The following MBP variants were observed in gnomAD, a reference collection of about 807,000 sequenced individuals.
The protein encoded by MBP is myelin basic protein.
Under a neutral mutation model 35.8 loss-of-function variants are expected in MBP, and 16 were observed. That is an observed-to-expected ratio of 0.45 (90% CI 0.30 to 0.68). The LOEUF (loss-of-function observed/expected upper bound fraction) is 0.68. Ranked by LOEUF, MBP falls within the 30% of genes least tolerant of loss-of-function variation. The pLI, the probability that MBP is intolerant of heterozygous loss-of-function variation, is 0.08. For synonymous variants in MBP, 143 were observed against 159.6 expected (o/e 0.90, Z 0.78); for missense variants, 380 against 404.7 (o/e 0.94, Z 0.52).
intron 4 of MBP, among the ~76,000 whole-genome samples, chr18:77,010,769 G>A (rs529824401): frequency 2.6e-5 from 4 of 152,204 alleles, no homozygotes; most frequent in African/African-American, 7.2e-5. Context: ...TCAGTTACAC[G>A]AGAGTATCTG....
At chr18:76,984,940 G>A in intron 7 of MBP, 46 bp from the exon 8 acceptor site, 4 of 1,606,244 alleles carry the variant, frequency 2.5e-6, no homozygotes, top group Non-Finnish European at 3.4e-6. Context: ...GCGGTGCTGG[G>A]CACGCTGCTT....
At chr18:77,031,756 C>G (rs1255240756) in intron 3 of MBP, among the ~76,000 whole-genome samples, 4 of 152,258 alleles carry the variant, frequency 2.6e-5, no homozygotes, top group Non-Finnish European at 5.9e-5. Flanking sequence ...GCTCTGCTGG[C>G]TCTAATGGGC....
At chr18:77,118,884 C>G (rs1187060597) in intron 1 of MBP, among the ~76,000 whole-genome samples, 1 of 151,386 alleles carries the variant, frequency 6.6e-6, no homozygotes, top group East Asian at 1.9e-4. Flanking sequence ...TTCACACACA[C>G]CAGACACACA....
At chr18:77,089,205 T>G (rs1975400942) in intron 2 of MBP, among the ~76,000 whole-genome samples, 1 of 152,232 alleles carries the variant, frequency 6.6e-6, no homozygotes, top group Non-Finnish European at 1.5e-5. Flanking sequence ...CATTCCTAGG[T>G]GTGACCCCTG....
chr18:77,116,866 C>CA lies in MBP; in HGVS notation c.-25-11581dup, dbSNP rs35523743. On this transcript the variant is annotated intron_variant, in intron 1 of 8. Coordinates refer to ENST00000355994, the MANE Select transcript of MBP (RefSeq NM_001025101.2). ...TGGGAGACAGAGTGAGACTCTGTCTCAAAAAAAAAACAAAACAAACAAAGA... is the reference window on the plus strand; with the variant it reads ...TGGGAGACAGAGTGAGACTCTGTCTCAAAAAAAAAAACAAAACAAACAAAGA... Among the ~76,000 whole-genome samples the CA allele has an allele frequency of 5.7e-3, 826 of 144,282 alleles. 2 individuals carry two copies. Among genetic ancestry groups the CA allele is most frequent in the African/African-American group, 0.013 (501 of 38,872 alleles). The allele number at this position is 144,282 out of a possible 152,430, so 94.7% of individuals were successfully genotyped here. A position where few individuals can be genotyped will look rare whatever the true frequency, so the allele number is the denominator to read the frequency against.
intron 3 of MBP, among the ~76,000 whole-genome samples, chr18:77,042,846 CTCT>C (rs1167707618): frequency 1.3e-5 from 2 of 152,172 alleles, no homozygotes; most frequent in African/African-American, 2.4e-5. Flanking sequence ...AACTTAAAAG[CTCT>C]TCAAGTGAGG....
chr18:76,985,624 CG>C (rs1969507550), intron 7 of MBP: 5 of 1,052,694 alleles, frequency 4.7e-6, no homozygotes, highest in African/African-American at 3.4e-5. Flanking sequence ...CTGGCTGGCA[CG>C]GGGGGCGGCC....
chr18:76,995,423 C>G (rs1230105422), intron 4 of MBP, among the ~76,000 whole-genome samples: 1 of 152,088 alleles, frequency 6.6e-6, no homozygotes, highest in Non-Finnish European at 1.5e-5. Flanking sequence ...AACACATTAC[C>G]TGGTTCTAAG....
chr18:77,109,785 G>A (rs1002150713), intron 1 of MBP: 11 of 152,212 alleles, frequency 7.2e-5, no homozygotes, highest in African/African-American at 2.7e-4. Flanking sequence ...TATGCTCTCC[G>A]CACTTCATTT....
intron 2 of MBP, chr18:77,097,131 A>C (rs1264317594): frequency 6.6e-6 from 1 of 152,448 alleles, no homozygotes; most frequent in South Asian, 2.1e-4. Context: ...ACAGGGCAAC[A>C]CAAGTGAGCC....
In MBP at chr18:76,989,918, C is replaced by A; in HGVS notation, c.681+38G>T. On this transcript the variant is annotated intron_variant, in intron 5 of 8. Transcript: ENST00000355994. This position sits in a 1 kb window ranked among gnomAD's most constrained non-coding sequence, Gnocchi z 4.0. The stretch of plus-strand genomic sequence containing the variant: ...GCAGTGGCCAGCACCCCTCCTCCCC[C>A]TCACAGTTGCTACCTCTTCCCATCG... 6.4e-7 allele frequency: 1 copy of A among 1,554,828 alleles called. No homozygotes were observed. The highest frequency in any genetic ancestry group is 8.9e-7 in the Non-Finnish European group (1 of 1,128,092).
intron 2 of MBP, among the ~76,000 whole-genome samples, chr18:77,074,385 T>C (rs995097815): frequency 2.0e-5 from 3 of 151,946 alleles, no homozygotes; most frequent in African/African-American, 7.3e-5. Flanking sequence ...GGGAAATGGA[T>C]AGATTTCTAA....
intron 3 of MBP, among the ~76,000 whole-genome samples, chr18:77,049,445 A>G (rs1973392938): frequency 6.6e-6 from 1 of 152,230 alleles, no homozygotes; most frequent in South Asian, 2.1e-4. Flanking sequence ...TTCTGCAAGT[A>G]GAGAGTCCAA....
At chr18:77,034,466 G>T (rs1042701047) in intron 3 of MBP, among the ~76,000 whole-genome samples, 2 of 152,150 alleles carry the variant, frequency 1.3e-5, no homozygotes, top group African/African-American at 2.4e-5. Context: ...ACAGACCCCA[G>T]TTGAGCCTGC....
Position 76,988,352 on chromosome 18 carries a change from C to T in MBP, c.750+143G>A, listed in dbSNP as rs752202730. On this transcript the variant is annotated intron_variant, in intron 7 of 8. Coordinates refer to ENST00000355994, the MANE Select transcript of MBP (RefSeq NM_001025101.2). This position sits in a 1 kb window ranked among gnomAD's most constrained non-coding sequence, Gnocchi z 5.2. ...TTCCCCAGTGGAAGACAAGGCGGCC[C>T]GATCCCAGCTGTGGGCAGAGAGGTC... is the stretch of plus-strand genomic sequence containing the variant. The T allele has an allele frequency of 4.0e-5, 64 of 1,607,686 alleles. No homozygotes were observed. The highest frequency in any genetic ancestry group is 5.2e-5 in the Non-Finnish European group (61 of 1,176,980).
In MBP at chr18:77,098,168, C is replaced by CTTTTTTTTTTTTTT. The variant is rs3214873; in HGVS notation, c.51+7029_51+7042dup. Among the ~76,000 whole-genome samples, 83 of 108,514 alleles carry CTTTTTTTTTTTTTT rather than the reference C, an allele frequency of 7.6e-4. 2 individuals are homozygous for CTTTTTTTTTTTTTT. The highest frequency in any genetic ancestry group is 2.2e-3 in the African/African-American group (64 of 29,342). 71.2% of individuals were successfully genotyped at this position (108,514 alleles called of 152,430 possible). A position where few individuals can be genotyped will look rare whatever the true frequency, so the allele number is the denominator to read the frequency against. On this transcript the variant is annotated intron_variant, in intron 2 of 8. Coordinates refer to ENST00000355994, the MANE Select transcript of MBP (RefSeq NM_001025101.2). ...TTCTGAGGACAGACACAAGGACTTC[C>CTTTTTTTTTTTTTT]TTTTTTTTTTTTTTTTTTTTTACAA... is the stretch of plus-strand genomic sequence containing the variant.
chr18:77,066,146 A>G, intron 3 of MBP, 152 bp downstream of exon 3: 1 of 636,428 alleles, frequency 1.6e-6, no homozygotes, highest in Non-Finnish European at 2.8e-6. Context: ...ACAGACATGA[A>G]GCAATGATCC....
rs753243448 is a variant in MBP at position 76,988,907 on chromosome 18, C to G, written c.687G>C (p.Thr229=). 1 of 1,613,938 alleles carries G rather than the reference C, an allele frequency of 6.2e-7. No homozygotes were observed. The highest frequency in any genetic ancestry group is 2.2e-5 in the East Asian group (1 of 44,856). The change falls in exon 6 of 9, where the codon ACG becomes ACC. Residue 229 remains threonine, a synonymous_variant. Coordinates refer to ENST00000355994, the MANE Select transcript of MBP (RefSeq NM_001025101.2). This position sits in a 1 kb window ranked among gnomAD's most constrained non-coding sequence, Gnocchi z 5.2. ...CCTGCGACGGGGGTGGTGTGCGAGG[C>G]GTCACCTGGAAAGACACAGAGAACC... is the stretch of plus-strand genomic sequence containing the variant. ...PVVHFFKNIV[T]PRTPPPSQGK... is the part of the protein sequence containing the mutation.
chr18:77,031,327 G>C (rs919753656), intron 3 of MBP, among the ~76,000 whole-genome samples: 1 of 152,120 alleles, frequency 6.6e-6, no homozygotes, highest in African/African-American at 2.4e-5. Flanking sequence ...GAGCATGCCC[G>C]CCCTGCTGCC....
Sources: allele counts gnomAD v4.1 joint callset (sites outside exome capture counted in the v4.1 genomes callset), GRCh38; gene constraint gnomAD v4.1.1; non-coding constraint Gnocchi (gnomAD v3.1); transcripts MANE v1.5; gene names NCBI Gene and HGNC (gene_info 2026-07-23, HGNC 2026-07-21).